MATCAP2: variants seen among roughly 807,000 people sequenced by gnomAD.
MATCAP2 encodes putative tyrosine carboxypeptidase MATCAP2.
chr7:36,378,323 ACAGT>A, the MATCAP2 span, among the ~76,000 whole-genome samples: 1 of 152,104 alleles, frequency 6.6e-6, no homozygotes, highest in Admixed American at 6.5e-5. Context: ...TTTCCTTCTA[ACAGT>A]CAGGCCCCTC....
chr7:36,382,102 G>A, the MATCAP2 span, among the ~76,000 whole-genome samples: 1 of 151,670 alleles, frequency 6.6e-6, no homozygotes, highest in African/African-American at 2.4e-5. Flanking sequence ...AGACCAGCCT[G>A]GCCAACATGG....
chr7:36,359,583 T>C, the MATCAP2 span, among the ~76,000 whole-genome samples: 1 of 152,206 alleles, frequency 6.6e-6, no homozygotes, highest in Non-Finnish European at 1.5e-5. Context: ...TAAATGTCTA[T>C]TATATGTGTA....
chr7:36,386,827 T>C, the MATCAP2 span, among the ~76,000 whole-genome samples: 1 of 152,236 alleles, frequency 6.6e-6, no homozygotes, highest in Non-Finnish European at 1.5e-5. Context: ...GGGCATATAC[T>C]ACTGACTGGA....
chr7:36,333,162 G>GGACA, the MATCAP2 span, among the ~76,000 whole-genome samples: 1 of 152,074 alleles, frequency 6.6e-6, no homozygotes, highest in African/African-American at 2.4e-5. Context: ...CTTTGCTAAG[G>GGACA]GACAGACTGC....
At chr7:36,346,853 C>T in the MATCAP2 span, among the ~76,000 whole-genome samples, 4 of 152,164 alleles carry the variant, frequency 2.6e-5, no homozygotes, top group East Asian at 3.9e-4. Context: ...CTCCGCCTCC[C>T]GGGTTCAAGC....
At chr7:36,335,256 G>A in the MATCAP2 span, 2 of 1,324,750 alleles carry the variant, frequency 1.5e-6, no homozygotes, top group African/African-American at 2.9e-5. Flanking sequence ...AGAAAACAAT[G>A]GGCCTGTAAA....
the MATCAP2 span, among the ~76,000 whole-genome samples, chr7:36,352,929 G>A: frequency 6.6e-6 from 1 of 152,018 alleles, no homozygotes; most frequent in Admixed American, 6.6e-5. Context: ...GGCTTTTCCT[G>A]ATTGCTGTTT....
chr7:36,364,738 T>C, the MATCAP2 span, among the ~76,000 whole-genome samples: 1 of 152,226 alleles, frequency 6.6e-6, no homozygotes, highest in Non-Finnish European at 1.5e-5. Context: ...CTTAACTCTC[T>C]ACATGAAGTT....
the MATCAP2 span, among the ~76,000 whole-genome samples, chr7:36,361,451 T>C: frequency 6.6e-6 from 1 of 152,220 alleles, no homozygotes; most frequent in East Asian, 1.9e-4. Context: ...TATGGTTCAC[T>C]AATACTTACG....
At chr7:36,389,925 A>G in the MATCAP2 span, 5 of 1,604,092 alleles carry the variant, frequency 3.1e-6, no homozygotes, top group African/African-American at 5.4e-5. Flanking sequence ...CCCGCCTCAG[A>G]CTCCTGGTTT....
chr7:36,383,185 GA>G, the MATCAP2 span, among the ~76,000 whole-genome samples: 3 of 152,156 alleles, frequency 2.0e-5, no homozygotes, highest in Non-Finnish European at 2.9e-5. Flanking sequence ...TAATAGTAGA[GA>G]GTAGTAACAA....
the MATCAP2 span, chr7:36,333,808 A>G: frequency 1.4e-6 from 2 of 1,427,870 alleles, no homozygotes; most frequent in Non-Finnish European, 1.9e-6. Context: ...CAAAATCACT[A>G]GACAACTAGT....
the MATCAP2 span, among the ~76,000 whole-genome samples, chr7:36,346,223 T>A: frequency 6.6e-6 from 1 of 152,326 alleles, no homozygotes; most frequent in Non-Finnish European, 1.5e-5. Context: ...AAAAACAGTC[T>A]GGCAGTTCCT....
the MATCAP2 span, among the ~76,000 whole-genome samples, chr7:36,388,975 C>T: frequency 6.6e-6 from 1 of 152,178 alleles, no homozygotes; most frequent in Non-Finnish European, 1.5e-5. Context: ...TTTCTGAGGG[C>T]CAGGCCTGCA....
chr7:36,343,541 A>G, the MATCAP2 span, among the ~76,000 whole-genome samples: 3 of 4,916 alleles, frequency 6.1e-4, no homozygotes, highest in Admixed American at 6.3e-3. Context: ...AGGGGAGGGG[A>G]GAGGAGGGGA....
the MATCAP2 span, among the ~76,000 whole-genome samples, chr7:36,360,059 G>A: frequency 2.0e-5 from 3 of 152,184 alleles, no homozygotes; most frequent in Non-Finnish European, 2.9e-5. Flanking sequence ...AATAAAAAGG[G>A]ACAGAGTTAC....
the MATCAP2 span, chr7:36,325,621 T>C: frequency 7.9e-5 from 12 of 152,188 alleles, 1 homozygote; most frequent in Non-Finnish European, 2.9e-5. Context: ...TTTCTGATCA[T>C]TAAGTTGTAT....
chr7:36,356,380 T>G, the MATCAP2 span: 2 of 160,328 alleles, frequency 1.2e-5, no homozygotes, highest in East Asian at 3.6e-4. Context: ...CTGGGTATGG[T>G]GGCGGGTGCC....
chr7:36,379,002 G>A, the MATCAP2 span, among the ~76,000 whole-genome samples: 2 of 152,198 alleles, frequency 1.3e-5, no homozygotes, highest in Non-Finnish European at 2.9e-5. Flanking sequence ...GGTACATACT[G>A]TCACAGCTGC....
Sources: allele counts gnomAD v4.1 joint callset (sites outside exome capture counted in the v4.1 genomes callset), GRCh38; gene constraint gnomAD v4.1.1; transcripts MANE v1.5; gene names NCBI Gene and HGNC (gene_info 2026-07-23, HGNC 2026-07-21).